The following GID4 variants were observed in gnomAD, a reference collection of about 807,000 sequenced individuals.
The protein encoded by GID4 is glucose-induced degradation protein 4 homolog.
Under a neutral mutation model 32.4 loss-of-function variants are expected in GID4, and 7 were observed. The observed-to-expected ratio is 0.22, with a 90% CI of 0.12 to 0.41. The LOEUF (loss-of-function observed/expected upper bound fraction) is 0.41, where lower values mean the gene tolerates loss of function less well. GID4 is among the 10% of genes least tolerant of loss of function. The pLI is 1.00. For missense variants in GID4, 309 were observed against 400.0 expected, an observed-to-expected ratio of 0.77 and a Z score of 1.94; for synonymous variants, 166 against 170.0, an observed-to-expected ratio of 0.98 and a Z score of 0.18.
chr17:18,063,967 T>C (rs950815252), intron 5 of GID4, among the ~76,000 whole-genome samples: 8 of 152,210 alleles, frequency 5.3e-5, no homozygotes, highest in African/African-American at 1.4e-4. Flanking sequence ...TGTCTCGAAC[T>C]CCTGACCTCA....
chr17:18,050,939 T>G (rs1359352833), intron 2 of GID4, among the ~76,000 whole-genome samples: 1 of 152,228 alleles, frequency 6.6e-6, no homozygotes, highest in East Asian at 1.9e-4. Context: ...GTGCTTGAAT[T>G]TCCTGTTCCT....
chr17:18,045,094 G>A, intron 1 of GID4, 53 bp from the exon 2 acceptor site: 1 of 1,428,530 alleles, frequency 7.0e-7, no homozygotes, highest in Middle Eastern at 1.8e-4. Context: ...CCTCCTGCAT[G>A]TCCCCTAGTA....
intron 3 of GID4, among the ~76,000 whole-genome samples, chr17:18,055,786 A>G (rs1212741199): frequency 6.7e-6 from 1 of 149,646 alleles, no homozygotes. Flanking sequence ...CACTGACCCA[A>G]CCTGTTTTTT....
intron 5 of GID4, among the ~76,000 whole-genome samples, chr17:18,064,298 C>T (rs1393886706): frequency 6.6e-6 from 1 of 152,180 alleles, no homozygotes; most frequent in Non-Finnish European, 1.5e-5. Flanking sequence ...TATGAGGGTT[C>T]CAGTTTCTCC....
intron 5 of GID4, among the ~76,000 whole-genome samples, chr17:18,063,015 A>G (rs2045029316): frequency 6.6e-6 from 1 of 151,652 alleles, no homozygotes; most frequent in Non-Finnish European, 1.5e-5. Context: ...TGGAGCTTGC[A>G]GGGAGCTGAG....
At chr17:18,043,270 C>T (rs534688372) in intron 1 of GID4, among the ~76,000 whole-genome samples, 114 of 152,310 alleles carry the variant, frequency 7.5e-4, no homozygotes, top group Middle Eastern at 3.4e-3. Flanking sequence ...AGTAGAGAGA[C>T]GCTTGGTTGA....
intron 4 of GID4, among the ~76,000 whole-genome samples, chr17:18,060,380 A>G (rs142458814): frequency 3.8e-4 from 54 of 141,930 alleles, no homozygotes; most frequent in Admixed American, 5.0e-4. Context: ...GCTGGGTGAC[A>G]GAGCAAGACT....
intron 2 of GID4, among the ~76,000 whole-genome samples, chr17:18,047,773 A>G (rs1220759216): frequency 1.1e-4 from 17 of 152,230 alleles, no homozygotes; most frequent in Admixed American, 9.8e-4. Flanking sequence ...TTAGATGTAG[A>G]AGAATTCTTT....
rs113803887 is a variant in GID4 at position 18,068,374 on chromosome 17, T to TAAAAA, written c.*3138_*3142dup. The stretch of plus-strand genomic sequence containing the variant: ...CAGAGCTATCAATGTCCAAATAATT[T>TAAAAA]AAAAAAAAAAATAAAGGTATTTAAG... On this transcript the variant is annotated 3_prime_UTR_variant, in exon 6 of 6. Coordinates refer to ENST00000268719, the MANE Select transcript of GID4 (RefSeq NM_024052.5). The TAAAAA allele has an allele frequency of 6.6e-6, 1 of 150,416 alleles. No individual in the cohort carries two copies. Among genetic ancestry groups the TAAAAA allele is most frequent in the Non-Finnish European group, 1.5e-5 (1 of 67,560 alleles). 9.3% of individuals were successfully genotyped at this position (150,416 alleles called of 1,614,324 possible). A position where few individuals can be genotyped will look rare whatever the true frequency, so the allele number is the denominator to read the frequency against.
At chr17:18,052,478 A>G (rs2044921773) in intron 2 of GID4, among the ~76,000 whole-genome samples, 1 of 152,180 alleles carries the variant, frequency 6.6e-6, no homozygotes, top group African/African-American at 2.4e-5. Flanking sequence ...AGAGGGGCTT[A>G]CATCTGATCT....
At chr17:18,062,226 A>G (rs2045023537) in intron 5 of GID4, 2 of 380,070 alleles carry the variant, frequency 5.3e-6, no homozygotes, top group South Asian at 5.0e-5. Context: ...CTTTTAAGCA[A>G]TACTGTATTT....
intron 5 of GID4, among the ~76,000 whole-genome samples, chr17:18,064,663 C>G (rs955929902): frequency 1.3e-5 from 2 of 152,118 alleles, no homozygotes; most frequent in African/African-American, 4.8e-5. Context: ...TTTTCCAAGC[C>G]TAATACCGTA....
At chr17:18,054,781 G>C (rs530760322) in intron 3 of GID4, among the ~76,000 whole-genome samples, 8 of 152,244 alleles carry the variant, frequency 5.3e-5, no homozygotes, top group Non-Finnish European at 8.8e-5. Flanking sequence ...TAACTGTCAA[G>C]TGTAGAGCAT....
chr17:18,064,785 C>T (rs1347069574), intron 5 of GID4, among the ~76,000 whole-genome samples: 1 of 152,124 alleles, frequency 6.6e-6, no homozygotes, highest in African/African-American at 2.4e-5. Context: ...TATGCCTATG[C>T]TAGCCATAAA....
At chr17:18,041,506 G>A (rs1274602088) in intron 1 of GID4, among the ~76,000 whole-genome samples, 2 of 152,184 alleles carry the variant, frequency 1.3e-5, no homozygotes, top group South Asian at 2.1e-4. Flanking sequence ...ATGGAAATAC[G>A]ATTGTGGCTG....
chr17:18,055,884 G>T (rs1190611159), intron 3 of GID4, among the ~76,000 whole-genome samples: 2 of 152,112 alleles, frequency 1.3e-5, no homozygotes, highest in Non-Finnish European at 2.9e-5. Flanking sequence ...TGTCACCCAG[G>T]CTGGAGTGCA....
chr17:18,061,340 A>G lies in GID4; in HGVS notation c.709-505A>G, dbSNP rs1408150437. Among the ~76,000 whole-genome samples the G allele has an allele frequency of 1.3e-5, 2 of 152,202 alleles. No homozygotes were observed. Among genetic ancestry groups the G allele is most frequent in the African/African-American group, 2.4e-5 (1 of 41,442 alleles). The stretch of plus-strand genomic sequence containing the variant: ...TTCTGACTGCTTTTGACAAGGCGTC[A>G]AGCTCTTGGAGGGGGTGTCACAGGG... On this transcript the variant is annotated intron_variant, in intron 4 of 5. Transcript: ENST00000268719. The surrounding 1 kb of genome is among the most constrained non-coding windows in gnomAD (Gnocchi z 4.4).
intron 1 of GID4, among the ~76,000 whole-genome samples, chr17:18,041,559 CTCT>C (rs147977058): frequency 0.016 from 2,419 of 152,230 alleles, 77 homozygotes; most frequent in African/African-American, 0.055. Context: ...TGTAGTGATC[CTCT>C]TCTTAAAATG....
Position 18,066,018 on chromosome 17 carries a change from A to G in GID4, c.*775A>G, listed in dbSNP as rs563197326. 7 of 152,386 alleles carry G rather than the reference A, an allele frequency of 4.6e-5. No individual in the cohort carries two copies. The highest frequency in any genetic ancestry group is 4.6e-4 in the Admixed American group (7 of 15,298). 9.4% of individuals were successfully genotyped at this position (152,386 alleles called of 1,614,324 possible). A position where few individuals can be genotyped will look rare whatever the true frequency, so the allele number is the denominator to read the frequency against. Reference sequence around the variant, plus strand: ...CTTGAGGGCAATACTAAACTTAAAAATAAGAGTTTTTTTATTACAAAATTA... The same window carrying G: ...CTTGAGGGCAATACTAAACTTAAAAGTAAGAGTTTTTTTATTACAAAATTA... On this transcript the variant is annotated 3_prime_UTR_variant, in exon 6 of 6. Coordinates refer to ENST00000268719, the MANE Select transcript of GID4 (RefSeq NM_024052.5).
Sources: gnomAD v4.1 joint callset for allele counts (sites outside exome capture counted in the v4.1 genomes callset) on GRCh38, gnomAD v4.1.1 for gene constraint, Gnocchi (gnomAD v3.1) non-coding constraint, MANE v1.5 for transcripts, NCBI Gene and HGNC (gene_info 2026-07-23, HGNC 2026-07-21) for gene names.